Variants in KIF26B observed in about 807,000 individuals in gnomAD.
The protein encoded by KIF26B is kinesin family member 26B, also known as kinesin-like protein KIF26B.
A neutral mutation model predicts 151.2 loss-of-function variants in KIF26B; 63 were observed. The observed-to-expected ratio is 0.42, with a 90% confidence interval of 0.34 to 0.51. The LOEUF is 0.51. KIF26B is among the 20% of genes least tolerant of loss of function. The probability of loss-of-function intolerance (pLI) is 0.07; values close to 1 mark genes in which losing one functional copy is unlikely to be tolerated. For missense variants in KIF26B, 2,813 were observed against 2,913.6 expected (o/e 0.97, Z 0.79); for synonymous variants, 1,357 against 1,262.1 (o/e 1.08, Z -1.59).
chr1:245,199,578 A>C (rs958958959), intron 2 of KIF26B, among the ~76,000 whole-genome samples: 1 of 151,498 alleles, frequency 6.6e-6, no homozygotes, highest in South Asian at 2.1e-4. Context: ...TCCCAGGTTC[A>C]AGTGATTCTT....
chr1:245,299,040 T>C (rs1452834976), intron 2 of KIF26B, among the ~76,000 whole-genome samples: 1 of 152,204 alleles, frequency 6.6e-6, no homozygotes, highest in Non-Finnish European at 1.5e-5. Context: ...TTTTATGTGG[T>C]TTTCACAACT....
At chr1:245,155,584 T>TC in intron 1 of KIF26B, 97 bp downstream of exon 1, 2 of 1,127,436 alleles carry the variant, frequency 1.8e-6, no homozygotes, top group Non-Finnish European at 1.3e-6. Flanking sequence ...CCCCGAGCTC[T>TC]CCCCCGCTGC....
At position 245,687,453 on chromosome 1, in the gene KIF26B, C is replaced by T; in HGVS notation, c.4470C>T (p.Leu1490=). Residue 1490 remains leucine (L), a synonymous_variant, in exon 12 of 15, where the codon CTC becomes CTT. Transcript: ENST00000407071. The surrounding 1 kb of genome is among the most constrained non-coding windows in gnomAD (Gnocchi z 4.9). ...QDGKPSPGDR[L]SSSSGEVSAS... ...GAAAGCCCAGTCCGGGAGACAGGCT[C>T]AGCAGCAGCAGCGGAGAGGTGTCGG... 3 of 1,587,146 alleles carry T rather than the reference C, an allele frequency of 1.9e-6. No homozygotes were observed. Among genetic ancestry groups the T allele is most frequent in the Non-Finnish European group, 2.6e-6 (3 of 1,166,986 alleles).
At chr1:245,228,742 A>G (rs1437304389) in intron 2 of KIF26B, among the ~76,000 whole-genome samples, 1 of 152,160 alleles carries the variant, frequency 6.6e-6, no homozygotes, top group East Asian at 1.9e-4. Flanking sequence ...CTGAGGAGAT[A>G]ATGTTACCCT....
At chr1:245,670,033 T>C (rs1244491980) in intron 10 of KIF26B, among the ~76,000 whole-genome samples, 1 of 152,038 alleles carries the variant, frequency 6.6e-6, no homozygotes, top group African/African-American at 2.4e-5. Context: ...GTACAACATA[T>C]ACTACTTCGG....
intron 2 of KIF26B, among the ~76,000 whole-genome samples, chr1:245,366,480 G>T (rs1285726089): frequency 6.6e-6 from 1 of 150,512 alleles, no homozygotes; most frequent in Non-Finnish European, 1.5e-5. Flanking sequence ...GCAGTGAGCC[G>T]AGATCGTGCC....
chr1:245,644,162 TTC>T (rs1457308885), intron 9 of KIF26B, among the ~76,000 whole-genome samples: 1 of 152,182 alleles, frequency 6.6e-6, no homozygotes, highest in Non-Finnish European at 1.5e-5. Context: ...GCTCTTTTTT[TTC>T]TGTGTTTTAT....
intron 2 of KIF26B, among the ~76,000 whole-genome samples, chr1:245,220,029 G>A (rs1163880078): frequency 1.3e-5 from 2 of 152,192 alleles, no homozygotes; most frequent in Non-Finnish European, 2.9e-5. Flanking sequence ...GGGGGCAGAG[G>A]TGAGAGCCCA....
chr1:245,156,927 A>G (rs1353877558), intron 2 of KIF26B, among the ~76,000 whole-genome samples: 1 of 152,156 alleles, frequency 6.6e-6, no homozygotes, highest in Admixed American at 6.5e-5. Flanking sequence ...GCCCGTGGCC[A>G]CAGGCCTCAC....
chr1:245,604,796 G>C (rs1006538518), intron 6 of KIF26B, among the ~76,000 whole-genome samples: 1 of 152,186 alleles, frequency 6.6e-6, no homozygotes, highest in African/African-American at 2.4e-5. Context: ...CATTTCCAAT[G>C]TTATAATAAA....
chr1:245,335,562 G>C (rs976385973), intron 2 of KIF26B, among the ~76,000 whole-genome samples: 9 of 152,174 alleles, frequency 5.9e-5, no homozygotes, highest in Admixed American at 5.2e-4. Flanking sequence ...AGAGTCCCAC[G>C]CAGGGAAAGG....
chr1:245,261,253 C>A (rs566656181), intron 2 of KIF26B, among the ~76,000 whole-genome samples: 1 of 151,992 alleles, frequency 6.6e-6, no homozygotes, highest in African/African-American at 2.4e-5. Flanking sequence ...TCAAGCAGTT[C>A]TCCTGCCTCA....
chr1:245,643,419 G>A (rs933573638), intron 9 of KIF26B, among the ~76,000 whole-genome samples: 4 of 151,878 alleles, frequency 2.6e-5, no homozygotes, highest in Non-Finnish European at 5.9e-5. Context: ...ATATGTTTAA[G>A]TTACCACAGT....
At chr1:245,350,518 C>T (rs897886011) in intron 2 of KIF26B, among the ~76,000 whole-genome samples, 6 of 152,166 alleles carry the variant, frequency 3.9e-5, no homozygotes, top group African/African-American at 1.4e-4. Flanking sequence ...GGGCTGCTGT[C>T]CCCTGAGCAG....
rs182533494 is a variant in KIF26B, at chr1:245,450,817, A to G, written c.1166+31072A>G. ...TTTGAACAGTAAAAAATAAAGAGAT[A>G]TAGTATGGAAAACAATGTGAAATGT... On this transcript the variant is annotated intron_variant, in intron 4 of 14. Coordinates refer to ENST00000407071, the MANE Select transcript of KIF26B (RefSeq NM_018012.4). 2.0e-5 allele frequency among the ~76,000 whole-genome samples: 3 copies of G among 152,338 alleles called. No individual in the cohort carries two copies. In the East Asian group the frequency reaches 5.8e-4, roughly 29 times the overall value.
intron 9 of KIF26B, among the ~76,000 whole-genome samples, chr1:245,628,349 C>T (rs546042424): frequency 5.9e-5 from 9 of 152,252 alleles, no homozygotes; most frequent in East Asian, 3.9e-4. Context: ...GGCATGGTGG[C>T]GGGTGCCTGT....
intron 9 of KIF26B, among the ~76,000 whole-genome samples, chr1:245,615,555 C>T (rs1039630917): frequency 6.6e-6 from 1 of 152,180 alleles, no homozygotes; most frequent in African/African-American, 2.4e-5. Flanking sequence ...GAATCCTGCA[C>T]CCTTATTAAA....
At chr1:245,157,361 C>T (rs1270840216) in intron 2 of KIF26B, among the ~76,000 whole-genome samples, 1 of 152,222 alleles carries the variant, frequency 6.6e-6, no homozygotes, top group Admixed American at 6.5e-5. Flanking sequence ...CTGTTGGGTC[C>T]AAGTACTATC....
intron 3 of KIF26B, among the ~76,000 whole-genome samples, chr1:245,378,165 A>G (rs113608323): frequency 0.046 from 7,066 of 152,078 alleles, 249 homozygotes; most frequent in African/African-American, 0.093. Context: ...GATCAAGCTG[A>G]TAATTTGGTC....
Sources: gnomAD v4.1 joint callset for allele counts (sites outside exome capture counted in the v4.1 genomes callset) on GRCh38, gnomAD v4.1.1 for gene constraint, Gnocchi (gnomAD v3.1) non-coding constraint, MANE v1.5 for transcripts, NCBI Gene and HGNC (gene_info 2026-07-23, HGNC 2026-07-21) for gene names.